The following ZNF407 variants were observed in gnomAD, a reference collection of about 807,000 sequenced individuals.
ZNF407 encodes the protein zinc finger protein 407.
ZNF407 carries 17 observed loss-of-function variants against 131.2 expected under a neutral mutation model. That is an observed-to-expected ratio of 0.13 (90% CI 0.09 to 0.19). ZNF407 has a LOEUF of 0.19. Among genes scored for constraint, ZNF407 ranks in the 10% least tolerant of loss-of-function variants. ZNF407 has a pLI of 1.00. For synonymous variants in ZNF407, 1,156 were observed against 1,062.0 expected, an observed-to-expected ratio of 1.09 and a Z score of -1.72; for missense variants, 2,681 against 2,830.6, an observed-to-expected ratio of 0.95 and a Z score of 1.20.
intron 3 of ZNF407, among the ~76,000 whole-genome samples, chr18:74,735,577 A>G (rs1427844190): frequency 6.6e-6 from 1 of 152,180 alleles, no homozygotes; most frequent in Non-Finnish European, 1.5e-5. Context: ...CGTTGAGGAG[A>G]GTGCCCAAGT....
chr18:74,765,225 T>C (rs1410971858), intron 3 of ZNF407, among the ~76,000 whole-genome samples: 3 of 152,222 alleles, frequency 2.0e-5, no homozygotes, highest in Non-Finnish European at 4.4e-5. Flanking sequence ...AATTGTTTTA[T>C]TGTTCCCTAA....
At chr18:75,058,096 G>A (rs1451969319) in intron 8 of ZNF407, among the ~76,000 whole-genome samples, 5 of 152,198 alleles carry the variant, frequency 3.3e-5, no homozygotes, top group African/African-American at 4.8e-5. Context: ...CAGCAGAACT[G>A]AGCCCCTAGC....
intron 3 of ZNF407, among the ~76,000 whole-genome samples, chr18:74,648,808 A>T (rs1404613753): frequency 6.6e-6 from 1 of 152,192 alleles, no homozygotes; most frequent in Non-Finnish European, 1.5e-5. Context: ...TCCATACTTG[A>T]TCCTCTGGAT....
intron 3 of ZNF407, among the ~76,000 whole-genome samples, chr18:74,777,723 C>G (rs543792065): frequency 8.3e-6 from 1 of 120,888 alleles, no homozygotes; most frequent in South Asian, 3.0e-4. Flanking sequence ...GACTGTTGAT[C>G]GATCGCACTC....
chr18:74,967,531 A>G (rs1466728237), intron 8 of ZNF407, among the ~76,000 whole-genome samples: 1 of 152,098 alleles, frequency 6.6e-6, no homozygotes, highest in Admixed American at 6.5e-5. Flanking sequence ...CTCTTCAATC[A>G]TTACCATCCA....
chr18:74,900,304 T>G (rs1457879660), intron 7 of ZNF407, among the ~76,000 whole-genome samples: 1 of 152,190 alleles, frequency 6.6e-6, no homozygotes, highest in South Asian at 2.1e-4. Context: ...TGTCATTTCA[T>G]GTGGCTGCGA....
At chr18:74,704,313 C>T (rs1334900785) in intron 3 of ZNF407, among the ~76,000 whole-genome samples, 1 of 152,142 alleles carries the variant, frequency 6.6e-6, no homozygotes, top group Non-Finnish European at 1.5e-5. Flanking sequence ...GGTCCCATAG[C>T]CAACAACTAG....
intron 3 of ZNF407, among the ~76,000 whole-genome samples, chr18:74,711,864 C>T (rs979491246): frequency 6.6e-6 from 1 of 152,036 alleles, no homozygotes; most frequent in East Asian, 1.9e-4. Flanking sequence ...GCACGTGCCA[C>T]CACACCCGAT....
chr18:74,701,003 A>G (rs1967480385), intron 3 of ZNF407, among the ~76,000 whole-genome samples: 1 of 152,214 alleles, frequency 6.6e-6, no homozygotes, highest in Non-Finnish European at 1.5e-5. Context: ...AGTTAAGGTT[A>G]AATGAGATCT....
intron 8 of ZNF407, among the ~76,000 whole-genome samples, chr18:75,007,595 T>C (rs1415771067): frequency 6.6e-6 from 1 of 152,210 alleles, no homozygotes; most frequent in Non-Finnish European, 1.5e-5. Flanking sequence ...TGCAAAACGT[T>C]GTACAGTTTT....
chr18:74,835,635 T>G (rs937767164), intron 4 of ZNF407, among the ~76,000 whole-genome samples: 2 of 141,434 alleles, frequency 1.4e-5, no homozygotes, highest in Non-Finnish European at 3.1e-5. Flanking sequence ...GGGGGGTGTG[T>G]GTGTGTGTGT....
intron 4 of ZNF407, among the ~76,000 whole-genome samples, chr18:74,824,396 T>C (rs1970381281): frequency 6.6e-6 from 1 of 151,334 alleles, no homozygotes; most frequent in Admixed American, 6.6e-5. Context: ...GACAGGAAAA[T>C]CCCTTCAAAA....
Position 75,063,364 on chromosome 18 carries a change from G to C in ZNF407, c.5643G>C (p.Ser1881=), listed in dbSNP as rs772025325. The C allele has an allele frequency of 5.0e-6, 8 of 1,611,970 alleles. No individual in the cohort carries two copies. Among genetic ancestry groups the C allele is most frequent in the Non-Finnish European group, 6.8e-6 (8 of 1,179,334 alleles). ...GYDGEFALDP[S]VEETAAATLQ... Reference sequence around the variant, plus strand: ...ACGGGGAGTTTGCCCTGGACCCCTCGGTGGAGGAGACGGCCGCCGCCACGC... The same window carrying C: ...ACGGGGAGTTTGCCCTGGACCCCTCCGTGGAGGAGACGGCCGCCGCCACGC... Residue 1881 remains serine, a synonymous_variant, in exon 9 of 9, where the codon TCG becomes TCC. Transcript: ENST00000299687. The surrounding 1 kb of genome is among the most constrained non-coding windows in gnomAD (Gnocchi z 6.6).
intron 3 of ZNF407, among the ~76,000 whole-genome samples, chr18:74,671,324 T>G (rs1053081198): frequency 2.0e-5 from 3 of 152,146 alleles, no homozygotes; most frequent in Non-Finnish European, 4.4e-5. Context: ...ACCACTGTTT[T>G]TTTTTGTTTT....
intron 3 of ZNF407, among the ~76,000 whole-genome samples, chr18:74,777,577 C>A (rs938218355): frequency 2.6e-5 from 4 of 152,186 alleles, no homozygotes; most frequent in African/African-American, 9.7e-5. Context: ...TCTTTGATTT[C>A]TCTTTCAGAC....
At chr18:74,755,230 G>T (rs1250650097) in intron 3 of ZNF407, among the ~76,000 whole-genome samples, 2 of 149,984 alleles carry the variant, frequency 1.3e-5, no homozygotes, top group Non-Finnish European at 3.0e-5. Context: ...CCCTTTTTTT[G>T]AGCCTATTTG....
chr18:74,837,256 T>C (rs1003850864), intron 4 of ZNF407, among the ~76,000 whole-genome samples: 2 of 152,224 alleles, frequency 1.3e-5, no homozygotes, highest in African/African-American at 4.8e-5. Context: ...ATCCCCCTTT[T>C]GTTCGCTTTA....
chr18:74,777,689 A>G (rs1049355145), intron 3 of ZNF407, among the ~76,000 whole-genome samples: 2 of 152,050 alleles, frequency 1.3e-5, no homozygotes, highest in African/African-American at 4.8e-5. Context: ...GGTCACTATC[A>G]TCTTTGCCTG....
At chr18:74,628,010 G>A (rs940996091) in intron 1 of ZNF407, among the ~76,000 whole-genome samples, 9 of 152,062 alleles carry the variant, frequency 5.9e-5, no homozygotes, top group Middle Eastern at 3.4e-3. Flanking sequence ...GTGTAGCTGG[G>A]ACTACAGGTT....
Sources: allele counts gnomAD v4.1 joint callset (sites outside exome capture counted in the v4.1 genomes callset), GRCh38; gene constraint gnomAD v4.1.1; non-coding constraint Gnocchi (gnomAD v3.1); transcripts MANE v1.5; gene names NCBI Gene and HGNC (gene_info 2026-07-23, HGNC 2026-07-21).